Variants in IL1RAPL2 observed in about 807,000 individuals in gnomAD.
IL1RAPL2 encodes the protein X-linked interleukin-1 receptor accessory protein-like 2.
In IL1RAPL2, 3 loss-of-function variants were observed where a neutral mutation model predicts 44.1. The ratio of observed to expected loss-of-function variants is 0.07; its 90% CI spans 0.03 to 0.18. IL1RAPL2 has a LOEUF of 0.18. IL1RAPL2 is among the 10% of genes least tolerant of loss of function. IL1RAPL2 has a pLI of 1.00. For synonymous variants in IL1RAPL2, 181 were observed against 178.8 expected (o/e 1.01, Z -0.10); for missense variants, 391 against 496.4 (o/e 0.79, Z 2.02).
At chrX:105,100,415 A>T (rs2032657829) in intron 2 of IL1RAPL2, among the ~76,000 whole-genome samples, 1 of 111,932 alleles carries the variant, frequency 8.9e-6, no homozygotes, top group Non-Finnish European at 1.9e-5. Context: ...GGATGGAGGG[A>T]TTCCTTCTCA....
At chrX:105,104,553 C>T (rs2032713953) in intron 2 of IL1RAPL2, among the ~76,000 whole-genome samples, 1 of 112,094 alleles carries the variant, frequency 8.9e-6, no homozygotes, top group Non-Finnish European at 1.9e-5. Context: ...GCAGTCAGGG[C>T]ACAGAAAGAA....
At chrX:105,071,515 A>C (rs1021317746) in intron 2 of IL1RAPL2, among the ~76,000 whole-genome samples, 33 of 111,546 alleles carry the variant, frequency 3.0e-4, no homozygotes, top group African/African-American at 9.4e-4. Flanking sequence ...TATACAAAAA[A>C]AAATCCTAAA....
chrX:104,792,763 T>C (rs1305006174), intron 2 of IL1RAPL2, among the ~76,000 whole-genome samples: 1 of 111,572 alleles, frequency 9.0e-6, no homozygotes, highest in Non-Finnish European at 1.9e-5. Flanking sequence ...ATCAGATTGC[T>C]GAATCTTCAT....
chrX:104,820,683 T>G (rs1921277868), intron 2 of IL1RAPL2, among the ~76,000 whole-genome samples: 2 of 112,178 alleles, frequency 1.8e-5, no homozygotes, highest in African/African-American at 6.5e-5. Flanking sequence ...TCTCTGGGTT[T>G]AAGCTGTAGC....
intron 2 of IL1RAPL2, among the ~76,000 whole-genome samples, chrX:105,097,862 G>T (rs1365507441): frequency 3.6e-5 from 4 of 110,857 alleles, no homozygotes; most frequent in African/African-American, 1.3e-4. Context: ...ATTTAAGTAG[G>T]GTACCCGTTA....
chrX:105,137,790 G>T (rs1019053475), intron 2 of IL1RAPL2, among the ~76,000 whole-genome samples: 1 of 112,159 alleles, frequency 8.9e-6, no homozygotes, highest in Non-Finnish European at 1.9e-5. Context: ...TCTAGGCCAG[G>T]TGTGGTGGTT....
intron 6 of IL1RAPL2, among the ~76,000 whole-genome samples, chrX:105,598,757 T>C (rs895080541): frequency 1.8e-5 from 2 of 111,862 alleles, no homozygotes; most frequent in African/African-American, 6.5e-5. Context: ...ACAAAATCGT[T>C]CCTGATTCCC....
At chrX:105,371,893 A>G (rs181261123) in intron 5 of IL1RAPL2, among the ~76,000 whole-genome samples, 2 of 111,738 alleles carry the variant, frequency 1.8e-5, no homozygotes, top group African/African-American at 6.5e-5. Context: ...ATGGTCCTTG[A>G]TATCTGAGAT....
chrX:104,955,500 C>T (rs1329286438), intron 2 of IL1RAPL2, among the ~76,000 whole-genome samples: 1 of 105,042 alleles, frequency 9.5e-6, no homozygotes, highest in Non-Finnish European at 1.9e-5. Context: ...ATATATTATA[C>T]TCCCATATAT....
At chrX:105,495,206 G>A (rs1602437700) in intron 6 of IL1RAPL2, among the ~76,000 whole-genome samples, 1 of 112,114 alleles carries the variant, frequency 8.9e-6, no homozygotes, top group East Asian at 2.8e-4. Flanking sequence ...GAAAGAACTG[G>A]GTCTTAGAGT....
chrX:104,890,216 G>A (rs1279361807), intron 2 of IL1RAPL2, among the ~76,000 whole-genome samples: 2 of 111,533 alleles, frequency 1.8e-5, no homozygotes, highest in Non-Finnish European at 3.8e-5. Context: ...CACTTGGGTT[G>A]GTCCAAGTTT....
chrX:105,290,063 G>A (rs1336118332), intron 5 of IL1RAPL2, among the ~76,000 whole-genome samples: 1 of 111,519 alleles, frequency 9.0e-6, no homozygotes, highest in African/African-American at 3.3e-5. Flanking sequence ...AAACGTGGTA[G>A]TTGCTAATTG....
intron 2 of IL1RAPL2, among the ~76,000 whole-genome samples, chrX:105,150,874 G>GA (rs202131851): frequency 7.0e-4 from 76 of 109,292 alleles, no homozygotes; most frequent in African/African-American, 2.3e-3. Flanking sequence ...TGAGGAAATG[G>GA]AAAAAAAAAT....
At chrX:104,939,891 C>T (rs1036543510) in intron 2 of IL1RAPL2, among the ~76,000 whole-genome samples, 2 of 111,477 alleles carry the variant, frequency 1.8e-5, no homozygotes, top group African/African-American at 6.5e-5. Context: ...CTGGAATAGA[C>T]AAACCTATAG....
At chrX:104,653,120 G>T (rs962722779) in intron 1 of IL1RAPL2, among the ~76,000 whole-genome samples, 2 of 111,067 alleles carry the variant, frequency 1.8e-5, no homozygotes, top group Non-Finnish European at 3.8e-5. Flanking sequence ...CCTGCTGATG[G>T]GAGGCTTCTC....
intron 2 of IL1RAPL2, among the ~76,000 whole-genome samples, chrX:105,184,283 G>A (rs913811274): frequency 1.8e-5 from 2 of 111,202 alleles, no homozygotes; most frequent in East Asian, 2.8e-4. Flanking sequence ...TGTGGAGGAG[G>A]TGAGTGTTTG....
chrX:105,558,765 C>T, intron 6 of IL1RAPL2, among the ~76,000 whole-genome samples: 1 of 111,948 alleles, frequency 8.9e-6, no homozygotes. Context: ...TAATCATGGT[C>T]TTCTATATAC....
chrX:105,188,434 C>G (rs2033608213), intron 2 of IL1RAPL2, among the ~76,000 whole-genome samples: 1 of 111,670 alleles, frequency 9.0e-6, no homozygotes. Context: ...CTCAGGAAAT[C>G]AGAAGTTGAG....
chrX:104,650,933 TA>T (rs998523629), intron 1 of IL1RAPL2, among the ~76,000 whole-genome samples: 1 of 111,846 alleles, frequency 8.9e-6, no homozygotes, highest in African/African-American at 3.2e-5. Context: ...TGAACTTGGG[TA>T]AGTCACAAAT....
Sources: gnomAD v4.1 joint callset for allele counts (sites outside exome capture counted in the v4.1 genomes callset) on GRCh38, gnomAD v4.1.1 for gene constraint, MANE v1.5 for transcripts, NCBI Gene and HGNC (gene_info 2026-07-23, HGNC 2026-07-21) for gene names.